The following FSTL5 variants were observed in gnomAD, a reference collection of about 807,000 sequenced individuals.
FSTL5 encodes follistatin like 5.
In FSTL5, 62 loss-of-function variants were observed where a neutral mutation model predicts 89.1. The ratio of observed to expected loss-of-function variants is 0.70; its 90% CI spans 0.57 to 0.86. The LOEUF (loss-of-function observed/expected upper bound fraction) is 0.86. FSTL5 is among the 40% of genes least tolerant of loss of function. The pLI is 0.00. For synonymous variants in FSTL5, 383 were observed against 346.2 expected (o/e 1.11, Z -1.18); for missense variants, 1,057 against 1,001.6 (o/e 1.06, Z -0.75).
chr4:161,448,430 T>G (rs746215560), intron 15 of FSTL5, among the ~76,000 whole-genome samples: 6 of 152,130 alleles, frequency 3.9e-5, no homozygotes, highest in Non-Finnish European at 8.8e-5. Flanking sequence ...AGATGAGTTG[T>G]CTTGATATAT....
intron 4 of FSTL5, among the ~76,000 whole-genome samples, chr4:161,811,377 T>C (rs1730141366): frequency 6.6e-6 from 1 of 152,226 alleles, no homozygotes; most frequent in Non-Finnish European, 1.5e-5. Context: ...TAAAATGTTT[T>C]CCTTTCATGT....
chr4:161,562,715 C>T (rs538973144), intron 8 of FSTL5, among the ~76,000 whole-genome samples: 133 of 151,168 alleles, frequency 8.8e-4, no homozygotes, highest in African/African-American at 3.0e-3. Context: ...ATAAAATGTA[C>T]CCTGTTACTG....
At chr4:162,092,853 G>T (rs1730599447) in intron 2 of FSTL5, among the ~76,000 whole-genome samples, 1 of 150,448 alleles carries the variant, frequency 6.6e-6, no homozygotes, top group Non-Finnish European at 1.5e-5. Flanking sequence ...GGAGGCTGAG[G>T]CAGGAGAATC....
chr4:161,586,585 C>T (rs1733625441), intron 8 of FSTL5, among the ~76,000 whole-genome samples: 1 of 152,192 alleles, frequency 6.6e-6, no homozygotes, highest in Admixed American at 6.5e-5. Context: ...CTATCTCTTA[C>T]TTGGACACTA....
At chr4:161,433,523 C>A (rs960984916) in intron 15 of FSTL5, among the ~76,000 whole-genome samples, 1 of 152,042 alleles carries the variant, frequency 6.6e-6, no homozygotes. Context: ...CCACTTTCAC[C>A]ACTGTTATTC....
chr4:161,808,330 C>A (rs1267722391), intron 4 of FSTL5, among the ~76,000 whole-genome samples: 1 of 151,718 alleles, frequency 6.6e-6, no homozygotes, highest in African/African-American at 2.4e-5. Flanking sequence ...CATACATTGC[C>A]CTCCAAAAAA....
At chr4:162,016,556 T>C (rs922928371) in intron 3 of FSTL5, among the ~76,000 whole-genome samples, 15 of 152,178 alleles carry the variant, frequency 9.9e-5, no homozygotes, top group African/African-American at 3.6e-4. Flanking sequence ...ATAATGGATT[T>C]TTTTTGAGTT....
chr4:162,091,230 A>AT (rs768747199), intron 2 of FSTL5, among the ~76,000 whole-genome samples: 7 of 152,168 alleles, frequency 4.6e-5, no homozygotes, highest in Admixed American at 1.3e-4. Flanking sequence ...GCACTCTGCA[A>AT]TTACCTCAAG....
chr4:161,982,257 C>G (rs761711683), intron 3 of FSTL5, among the ~76,000 whole-genome samples: 6 of 152,230 alleles, frequency 3.9e-5, no homozygotes, highest in Non-Finnish European at 8.8e-5. Context: ...ACAAGAGATA[C>G]TCCCCACTGA....
intron 8 of FSTL5, among the ~76,000 whole-genome samples, chr4:161,578,637 A>C (rs1307288494): frequency 2.6e-5 from 4 of 152,126 alleles, no homozygotes; most frequent in Non-Finnish European, 5.9e-5. Context: ...CTAGCAGAAT[A>C]AAAATCCAAG....
At chr4:161,402,579 G>A (rs1167303784) in intron 15 of FSTL5, among the ~76,000 whole-genome samples, 2 of 152,256 alleles carry the variant, frequency 1.3e-5, no homozygotes, top group Non-Finnish European at 2.9e-5. Flanking sequence ...TCAATCTAGT[G>A]TTCTTCCTTG....
At chr4:162,077,345 C>G (rs773679500) in intron 2 of FSTL5, among the ~76,000 whole-genome samples, 1 of 151,880 alleles carries the variant, frequency 6.6e-6, no homozygotes, top group Non-Finnish European at 1.5e-5. Flanking sequence ...CCTCAGAAAA[C>G]TGCATTGTGT....
intron 1 of FSTL5, among the ~76,000 whole-genome samples, chr4:162,117,849 A>G (rs1249172551): frequency 6.6e-6 from 1 of 152,202 alleles, no homozygotes; most frequent in Non-Finnish European, 1.5e-5. Context: ...TGGGTAAATA[A>G]AATAATGAAT....
chr4:161,511,385 A>T (rs1021015508), intron 10 of FSTL5, among the ~76,000 whole-genome samples: 2 of 152,180 alleles, frequency 1.3e-5, no homozygotes, highest in African/African-American at 4.8e-5. Flanking sequence ...ATTAATTATT[A>T]ATGGTAAACA....
intron 6 of FSTL5, among the ~76,000 whole-genome samples, chr4:161,706,132 C>G (rs999745158): frequency 1.3e-5 from 2 of 150,236 alleles, no homozygotes; most frequent in African/African-American, 4.9e-5. Flanking sequence ...CAATGACGAA[C>G]AAGTAAAAAA....
rs1334670936 is a variant in FSTL5 at position 161,922,331 on chromosome 4, C to T, written c.161-1679G>A. On this transcript the variant is annotated intron_variant, in intron 3 of 15. Coordinates refer to ENST00000306100, the MANE Select transcript of FSTL5 (RefSeq NM_020116.5). ...ATAACTCACTGAAATATTTTAATACCTGAGTGATGAAATAATCTGTATAAT... is the reference window on the plus strand; with the variant it reads ...ATAACTCACTGAAATATTTTAATACTTGAGTGATGAAATAATCTGTATAAT... 2.0e-5 allele frequency among the ~76,000 whole-genome samples: 3 copies of T among 151,936 alleles called. No homozygotes were observed. In the East Asian group the frequency reaches 5.8e-4, roughly 29 times the overall value.
chr4:161,523,820 T>TA (rs1731115002), intron 10 of FSTL5, among the ~76,000 whole-genome samples: 1 of 152,120 alleles, frequency 6.6e-6, no homozygotes, highest in African/African-American at 2.4e-5. Flanking sequence ...CTACTATATG[T>TA]AAAAAATAAA....
intron 3 of FSTL5, among the ~76,000 whole-genome samples, chr4:161,931,909 C>G (rs1301006347): frequency 6.6e-6 from 1 of 151,792 alleles, no homozygotes; most frequent in Non-Finnish European, 1.5e-5. Context: ...GGCATCACTC[C>G]CAATGGTACA....
intron 1 of FSTL5, among the ~76,000 whole-genome samples, chr4:162,148,871 T>G (rs559640305): frequency 1.2e-4 from 19 of 152,220 alleles, no homozygotes; most frequent in Non-Finnish European, 2.6e-4. Context: ...GCTATAGTGA[T>G]TTCAGTGAGT....
Sources: gnomAD v4.1 joint callset for allele counts (sites outside exome capture counted in the v4.1 genomes callset) on GRCh38, gnomAD v4.1.1 for gene constraint, MANE v1.5 for transcripts, NCBI Gene and HGNC (gene_info 2026-07-23, HGNC 2026-07-21) for gene names.